Variants in CEP131 observed in about 807,000 individuals in gnomAD.
CEP131 encodes the protein centrosomal protein of 131 kDa.
CEP131 carries 99 observed loss-of-function variants against 136.8 expected under a neutral mutation model. That is an observed-to-expected ratio of 0.72 (90% confidence interval 0.62 to 0.86). The LOEUF is 0.86. Ranked by LOEUF, CEP131 falls within the 40% of genes least tolerant of loss-of-function variation. CEP131 has a pLI of 0.00. For synonymous variants in CEP131, 646 were observed against 612.7 expected, an observed-to-expected ratio of 1.05 and a Z score of -0.80; for missense variants, 1,459 against 1,463.0, an observed-to-expected ratio of 1.00 and a Z score of 0.04.
Position 81,197,809 on chromosome 17 carries a change from T to C in CEP131, c.1550A>G (p.Asp517Gly). Residue 517 changes from aspartate (D) to glycine (G), a missense_variant, in exon 13 of 26, where the codon GAT becomes GGT. By Grantham distance (94) the Asp-to-Gly change is moderately conservative. Transcript: ENST00000450824. ...CTTGGCCTCCGATAGCAGCGTCCCATCCTCAGGAGGTTCGGGGAACGCACT... is the reference window on the plus strand; with the variant it reads ...CTTGGCCTCCGATAGCAGCGTCCCACCCTCAGGAGGTTCGGGGAACGCACT... ...KLSAFPEPPE[D>G]GTLLSEAKLQ... 1 of 1,613,332 alleles carries C rather than the reference T, an allele frequency of 6.2e-7. No homozygotes were observed. Among genetic ancestry groups the C allele is most frequent in the Non-Finnish European group, 8.5e-7 (1 of 1,179,950 alleles).
In CEP131 at chr17:81,215,763, T is replaced by C. The variant is rs1035714252; in HGVS notation, c.177+4117A>G. 1.3e-5 allele frequency among the ~76,000 whole-genome samples: 2 copies of C among 152,164 alleles called. No homozygotes were observed. The highest frequency in any genetic ancestry group is 2.9e-5 in the Non-Finnish European group (2 of 68,028). On this transcript the variant is annotated intron_variant, in intron 2 of 25. Coordinates refer to ENST00000450824, the MANE Select transcript of CEP131 (RefSeq NM_014984.4). The surrounding 1 kb of genome is among the most constrained non-coding windows in gnomAD (Gnocchi z 4.1). ...ATGCTCTGACCCAGTAGTTATCCTT[T>C]AGGATTTATTCTACAGGCGTATTTA...
intron 5 of CEP131, among the ~76,000 whole-genome samples, chr17:81,205,178 G>T (rs2061976359): frequency 6.6e-6 from 1 of 151,848 alleles, no homozygotes; most frequent in Admixed American, 6.6e-5. Flanking sequence ...AGAATCACTG[G>T]AACCCGGGAA....
At chr17:81,211,362 GC>G (rs1242167037) in intron 2 of CEP131, among the ~76,000 whole-genome samples, 8 of 152,210 alleles carry the variant, frequency 5.3e-5, no homozygotes, top group Non-Finnish European at 1.0e-4. Context: ...GAAACAAGAT[GC>G]CTTCTGGGAA....
Position 81,192,513 on chromosome 17 carries a change from A to G in CEP131, c.2510T>C (p.Phe837Ser), listed in dbSNP as rs755714843. 2 of 1,611,378 alleles carry G rather than the reference A, an allele frequency of 1.2e-6. No homozygotes were observed. Among genetic ancestry groups the G allele is most frequent in the East Asian group, 4.5e-5 (2 of 44,816 alleles). The change falls in exon 20 of 26, where the codon TTT (phenylalanine) becomes TCT (serine). Residue 837 changes from phenylalanine to serine, a missense_variant. Around this residue, in one of 3 missense-constraint regions of CEP131, gnomAD observed 1,026 missense variants for 964.2 expected, o/e 1.06. Transcript: ENST00000450824. ...SALTRALRAE[F>S]EKGREEQERR... ...CTCCTGCTCCTCCCTGCCCTTCTCAAACTCAGCCCTCAGGGCTCGGGTCAG... is the reference window on the plus strand; with the variant it reads ...CTCCTGCTCCTCCCTGCCCTTCTCAGACTCAGCCCTCAGGGCTCGGGTCAG...
At chr17:81,221,124 CAAAAAAAA>C (rs760838378) in intron 1 of CEP131, among the ~76,000 whole-genome samples, 5 of 53,874 alleles carry the variant, frequency 9.3e-5, no homozygotes, top group Non-Finnish European at 1.7e-4. Context: ...GACTCCATCT[CAAAAAAAA>C]AAAAAAAAAA....
Position 81,196,915 on chromosome 17 carries a change from T to C in CEP131, c.1773+15A>G, listed in dbSNP as rs199844772. ...GGCTAGCAGGGCCCGGGATTAGCAGTGCCAGCAGCGTTACCAGCGCTCTCT... is the reference window on the plus strand; with the variant it reads ...GGCTAGCAGGGCCCGGGATTAGCAGCGCCAGCAGCGTTACCAGCGCTCTCT... On this transcript the variant is annotated intron_variant, in intron 14 of 25. Transcript: ENST00000450824. The C allele has an allele frequency of 5.7e-5, 92 of 1,609,018 alleles. No homozygotes were observed. The East Asian group carries it at 2.0e-3, about 35-fold the overall frequency.
rs981140326 is a variant in CEP131 at position 81,197,209 on chromosome 17, C to T, written c.1648-154G>A. ...GCCGGAGGGCAGGTGGCAGGCGGCC[C>T]AGCAGAGGTCGTTTTCATTGCTCAG... On this transcript the variant is annotated intron_variant, in intron 13 of 25. Coordinates refer to ENST00000450824, the MANE Select transcript of CEP131 (RefSeq NM_014984.4). Among the ~76,000 whole-genome samples, 6 of 152,330 alleles carry T rather than the reference C, an allele frequency of 3.9e-5. No individual in the cohort carries two copies. In the East Asian group the frequency reaches 5.8e-4, roughly 15 times the overall value.
At position 81,199,854 on chromosome 17, in the gene CEP131, C is replaced by T; in HGVS notation, c.907-19G>A. ...GCTGCTCCTGCCAAAGAAGCCGGTG[C>T]CATGTGGCGTTTACATCTGGAAGAC... is the stretch of plus-strand genomic sequence containing the variant. On this transcript the variant is annotated intron_variant, in intron 8 of 25. Transcript: ENST00000450824. 3 of 1,607,714 alleles carry T rather than the reference C, an allele frequency of 1.9e-6. No individual in the cohort carries two copies. The highest frequency in any genetic ancestry group is 8.5e-7 in the Non-Finnish European group (1 of 1,178,596).
In CEP131 at chr17:81,193,898, G is replaced by A. The variant is rs1269289590; in HGVS notation, c.2321+28C>T. ...CCGACTCCCCGCCCTGAGGGTCCTG[G>A]CCCCACCGGCCTGGGGCCACCACCC... On this transcript the variant is annotated intron_variant, in intron 18 of 25. Transcript: ENST00000450824. 2.6e-6 allele frequency: 4 copies of A among 1,530,528 alleles called. No homozygotes were observed. In the Admixed American group the frequency reaches 6.0e-5, roughly 23 times the overall value. 94.8% of individuals were successfully genotyped at this position (1,530,528 alleles called of 1,614,324 possible).
chr17:81,219,798 A>G lies in CEP131; in HGVS notation c.177+82T>C, dbSNP rs768198337. ...ATGTGAGGCACTTGTTCACCTGTGG[A>G]GCTGGACCCAGGGGTCAGATGCCAA... On this transcript the variant is annotated intron_variant, in intron 2 of 25. Transcript: ENST00000450824. The surrounding 1 kb of genome is among the most constrained non-coding windows in gnomAD (Gnocchi z 4.0). 7.2e-7 allele frequency: 1 copy of G among 1,385,706 alleles called. No individual in the cohort carries two copies. The highest frequency in any genetic ancestry group is 9.6e-7 in the Non-Finnish European group (1 of 1,038,368). 85.8% of individuals were successfully genotyped at this position (1,385,706 alleles called of 1,614,324 possible).
In CEP131 at chr17:81,203,397, C is replaced by A; in HGVS notation, c.629+97G>T. Reference sequence around the variant, plus strand: ...AAGGTAGAACCCTGTGTGAACTGACCGCGTGCCCTGACCGAGGTCGGACCC... The same window carrying A: ...AAGGTAGAACCCTGTGTGAACTGACAGCGTGCCCTGACCGAGGTCGGACCC... On this transcript the variant is annotated intron_variant, in intron 6 of 25. Coordinates refer to ENST00000450824, the MANE Select transcript of CEP131 (RefSeq NM_014984.4). The surrounding 1 kb of genome is among the most constrained non-coding windows in gnomAD (Gnocchi z 4.6). The A allele has an allele frequency of 1.0e-6, 1 of 953,962 alleles. No individual in the cohort carries two copies. The highest frequency in any genetic ancestry group is 1.5e-5 in the South Asian group (1 of 65,716). 59.1% of individuals were successfully genotyped at this position (953,962 alleles called of 1,614,324 possible). A position where few individuals can be genotyped will look rare whatever the true frequency, so the allele number is the denominator to read the frequency against.
intron 7 of CEP131, among the ~76,000 whole-genome samples, chr17:81,200,987 A>C (rs556722784): frequency 1.3e-5 from 2 of 152,326 alleles, no homozygotes; most frequent in African/African-American, 4.8e-5. Context: ...GTCCACAGAC[A>C]GCACTATACA....
chr17:81,197,091 G>C (rs2061776195), intron 13 of CEP131, 36 bp from the exon 14 acceptor site: 1 of 1,564,936 alleles, frequency 6.4e-7, no homozygotes, highest in South Asian at 1.2e-5. Context: ...GGAAGCGGCA[G>C]AGGACGGGGG....
At chr17:81,193,428 GCCACTGC>G (rs1393718183) in intron 18 of CEP131, among the ~76,000 whole-genome samples, 1 of 152,182 alleles carries the variant, frequency 6.6e-6, no homozygotes, top group East Asian at 1.9e-4. Context: ...AGGAGGGGCT[GCCACTGC>G]CCCCTGTGGC....
Position 81,197,709 on chromosome 17 carries a change from C to A in CEP131, c.1647+3G>T. The A allele has an allele frequency of 6.2e-7, 1 of 1,607,458 alleles. No homozygotes were observed. Among genetic ancestry groups the A allele is most frequent in the South Asian group, 1.1e-5 (1 of 90,876 alleles). On this transcript the variant is annotated splice_donor_region_variant and intron_variant, in intron 13 of 25. Coordinates refer to ENST00000450824, the MANE Select transcript of CEP131 (RefSeq NM_014984.4). ...GGCCGGGTGCGGGCTGGTGAGGGGCCACCTCCTGCTGGGAGTCCAGCTGGT... is the reference window on the plus strand; with the variant it reads ...GGCCGGGTGCGGGCTGGTGAGGGGCAACCTCCTGCTGGGAGTCCAGCTGGT...
chr17:81,190,904 C>A lies in CEP131; in HGVS notation c.2943+3G>T, dbSNP rs750452925. ...ACTGCCCACCTGACACCCGCCCACT[C>A]ACCGCCTGCGCATCCTCCAGCGCCC... is the stretch of plus-strand genomic sequence containing the variant. On this transcript the variant is annotated splice_donor_region_variant and intron_variant, in intron 23 of 25. Transcript: ENST00000450824. 3.1e-6 allele frequency: 5 copies of A among 1,601,790 alleles called. No homozygotes were observed. In the East Asian group the frequency reaches 1.1e-4, roughly 36 times the overall value.
intron 8 of CEP131, 35 bp from the exon 9 acceptor site, chr17:81,199,870 T>G (rs899282211): frequency 1.2e-6 from 2 of 1,601,292 alleles, no homozygotes; most frequent in African/African-American, 2.7e-5. Flanking sequence ...GGCGTTTACA[T>G]CTGGAAGACG....
Position 81,196,996 on chromosome 17 carries a change from A to G in CEP131, c.1707T>C (p.Ser569=). 1 of 1,602,982 alleles carries G rather than the reference A, an allele frequency of 6.2e-7. No individual in the cohort carries two copies. The highest frequency in any genetic ancestry group is 8.5e-7 in the Non-Finnish European group (1 of 1,175,050). ...PLELGSEVST[S]VMRLKLEVEE... Reference sequence around the variant, plus strand: ...CCACCTCCAGCTTCAGCCGCATCACAGACGTGCTCACCTCGGACCCCAGCT... The same window carrying G: ...CCACCTCCAGCTTCAGCCGCATCACGGACGTGCTCACCTCGGACCCCAGCT... Residue 569 remains serine, a synonymous_variant, in exon 14 of 26, where the codon TCT becomes TCC. Coordinates refer to ENST00000450824, the MANE Select transcript of CEP131 (RefSeq NM_014984.4).
At chr17:81,211,562 C>A (rs555146022) in intron 2 of CEP131, among the ~76,000 whole-genome samples, 20 of 152,322 alleles carry the variant, frequency 1.3e-4, no homozygotes, top group African/African-American at 4.1e-4. Context: ...GCCCTCCACC[C>A]CTGGGAGGCA....
Sources: gnomAD v4.1 joint callset for allele counts (sites outside exome capture counted in the v4.1 genomes callset) on GRCh38, gnomAD v4.1.1 for gene constraint, gnomAD v4.1.1 regional missense constraint, Gnocchi (gnomAD v3.1) non-coding constraint, MANE v1.5 for transcripts, NCBI Gene and HGNC (gene_info 2026-07-23, HGNC 2026-07-21) for gene names.